The following HDAC9 variants were observed in gnomAD, a reference collection of about 807,000 sequenced individuals.
HDAC9 encodes the protein histone deacetylase 9.
In HDAC9, 41 loss-of-function variants were observed where a neutral mutation model predicts 139.4. The ratio of observed to expected loss-of-function variants is 0.29; its 90% CI spans 0.23 to 0.38. The LOEUF (loss-of-function observed/expected upper bound fraction) is 0.38, where lower values mean the gene tolerates loss of function less well. Among genes scored for constraint, HDAC9 ranks in the 10% least tolerant of loss-of-function variants. The probability of loss-of-function intolerance (pLI) is 1.00; values close to 1 mark genes in which losing one functional copy is unlikely to be tolerated. For missense variants in HDAC9, 1,147 were observed against 1,297.0 expected (o/e 0.88, Z 1.78); for synonymous variants, 517 against 476.2 (o/e 1.09, Z -1.12).
At chr7:18,885,911 G>T (rs1422544413) in intron 22 of HDAC9, among the ~76,000 whole-genome samples, 8 of 152,132 alleles carry the variant, frequency 5.3e-5, no homozygotes, top group Admixed American at 5.2e-4. Flanking sequence ...CTGCAAACCA[G>T]TATGTCTCTT....
At chr7:18,221,312 C>A (rs1044018900) in intron 2 of HDAC9, among the ~76,000 whole-genome samples, 1 of 152,028 alleles carries the variant, frequency 6.6e-6, no homozygotes, top group Non-Finnish European at 1.5e-5. Context: ...ACCATGTTGT[C>A]CAGGCTGGTC....
At chr7:18,830,509 T>G (rs1795783127) in intron 19 of HDAC9, among the ~76,000 whole-genome samples, 1 of 152,184 alleles carries the variant, frequency 6.6e-6, no homozygotes, top group Admixed American at 6.5e-5. Flanking sequence ...CACTCATAAT[T>G]AAATCTTATT....
chr7:18,225,130 A>G (rs1365772819), intron 2 of HDAC9, among the ~76,000 whole-genome samples: 1 of 152,166 alleles, frequency 6.6e-6, no homozygotes, highest in Non-Finnish European at 1.5e-5. Flanking sequence ...CATTTTGAAG[A>G]TTTCTTCATA....
At chr7:18,486,702 A>C (rs181190272) in intron 1 of HDAC9, among the ~76,000 whole-genome samples, 2 of 152,250 alleles carry the variant, frequency 1.3e-5, no homozygotes. Context: ...AATTATAGGA[A>C]AATAAAGCAT....
At chr7:18,209,039 C>A (rs753012721) in intron 2 of HDAC9, among the ~76,000 whole-genome samples, 28 of 152,126 alleles carry the variant, frequency 1.8e-4, no homozygotes, top group Non-Finnish European at 3.8e-4. Flanking sequence ...TTACCTTTTT[C>A]AAATTTTATT....
At chr7:18,132,017 C>T (rs1785044404) in intron 1 of HDAC9, among the ~76,000 whole-genome samples, 1 of 152,080 alleles carries the variant, frequency 6.6e-6, no homozygotes, top group Non-Finnish European at 1.5e-5. Context: ...TTCTGTGGGC[C>T]AGGTGGTAAT....
chr7:18,929,027 A>G (rs1804489880), intron 22 of HDAC9, among the ~76,000 whole-genome samples: 2 of 152,082 alleles, frequency 1.3e-5, no homozygotes, highest in Non-Finnish European at 2.9e-5. Context: ...TCCTTTCACT[A>G]CCACTATTCT....
At chr7:18,266,204 T>C (rs1447209922) in intron 2 of HDAC9, among the ~76,000 whole-genome samples, 1 of 152,162 alleles carries the variant, frequency 6.6e-6, no homozygotes, top group African/African-American at 2.4e-5. Context: ...TTTATCTCAT[T>C]AGAAAATTCT....
intron 1 of HDAC9, among the ~76,000 whole-genome samples, chr7:18,140,421 T>C (rs1426977914): frequency 6.6e-6 from 1 of 152,104 alleles, no homozygotes; most frequent in Admixed American, 6.6e-5. Context: ...AGAAAAAAAA[T>C]ACTGTCTTCC....
At position 18,836,006 on chromosome 7, in the gene HDAC9, T is replaced by C; in HGVS notation, c.2684+9T>C. On this transcript the variant is annotated intron_variant, in intron 21 of 25. Transcript: ENST00000686413. Reference sequence around the variant, plus strand: ...TACCTTGAAGCATTCAGGTTGGTACTTCTTTCTCTCTGAAAGTGGCAAATT... The same window carrying C: ...TACCTTGAAGCATTCAGGTTGGTACCTCTTTCTCTCTGAAAGTGGCAAATT... 1 of 1,500,414 alleles carries C rather than the reference T, an allele frequency of 6.7e-7. No homozygotes were observed. The highest frequency in any genetic ancestry group is 2.4e-5 in the East Asian group (1 of 41,236). The allele number at this position is 1,500,414 out of a possible 1,614,324, so 92.9% of individuals were successfully genotyped here.
intron 2 of HDAC9, among the ~76,000 whole-genome samples, chr7:18,519,633 T>A (rs1363552356): frequency 6.6e-6 from 1 of 152,044 alleles, no homozygotes; most frequent in Non-Finnish European, 1.5e-5. Context: ...AGGAAAGGGG[T>A]GTTGTCATGT....
intron 17 of HDAC9, among the ~76,000 whole-genome samples, chr7:18,804,725 A>G (rs1486928173): frequency 6.6e-6 from 1 of 152,228 alleles, no homozygotes; most frequent in African/African-American, 2.4e-5. Context: ...AGAAGACTGC[A>G]ATTATCTTAC....
intron 1 of HDAC9, among the ~76,000 whole-genome samples, chr7:18,462,911 A>G (rs1379949951): frequency 6.6e-6 from 1 of 152,014 alleles, no homozygotes; most frequent in Non-Finnish European, 1.5e-5. Flanking sequence ...ACATATAAAT[A>G]TAGTCAAATT....
At chr7:18,897,065 T>C (rs937015272) in intron 22 of HDAC9, among the ~76,000 whole-genome samples, 2 of 152,050 alleles carry the variant, frequency 1.3e-5, no homozygotes, top group Admixed American at 6.6e-5. Flanking sequence ...TGCTCATTTT[T>C]TCTAGTTTAA....
At chr7:18,995,015 T>C (rs1161121228) in intron 25 of HDAC9, among the ~76,000 whole-genome samples, 1 of 152,202 alleles carries the variant, frequency 6.6e-6, no homozygotes, top group African/African-American at 2.4e-5. Flanking sequence ...AGTTTATGCA[T>C]GTTAGACAGC....
chr7:18,263,613 CTT>C, intron 2 of HDAC9, among the ~76,000 whole-genome samples: 1 of 146,368 alleles, frequency 6.8e-6, no homozygotes, highest in African/African-American at 2.5e-5. Flanking sequence ...TTATAATTGA[CTT>C]TTTTTTTTTT....
intron 2 of HDAC9, among the ~76,000 whole-genome samples, chr7:18,271,486 G>A (rs1024823452): frequency 6.6e-6 from 1 of 152,152 alleles, no homozygotes; most frequent in African/African-American, 2.4e-5. Flanking sequence ...CCTGCCATAT[G>A]TTTCAGTAAG....
At chr7:18,656,299 G>A (rs1157639554) in intron 11 of HDAC9, among the ~76,000 whole-genome samples, 1 of 151,964 alleles carries the variant, frequency 6.6e-6, no homozygotes, top group Non-Finnish European at 1.5e-5. Flanking sequence ...ATAAAGTCCT[G>A]CAACAGTCTC....
chr7:18,822,521 A>G (rs1032049577), intron 17 of HDAC9, among the ~76,000 whole-genome samples: 3 of 151,760 alleles, frequency 2.0e-5, no homozygotes, highest in African/African-American at 7.3e-5. Flanking sequence ...CACCTGGCTC[A>G]TTTTTGTGTT....
Sources: allele counts gnomAD v4.1 joint callset (sites outside exome capture counted in the v4.1 genomes callset), GRCh38; gene constraint gnomAD v4.1.1; transcripts MANE v1.5; gene names NCBI Gene and HGNC (gene_info 2026-07-23, HGNC 2026-07-21).